The following SNX8 variants were observed in gnomAD, a reference collection of about 807,000 sequenced individuals.
SNX8 encodes sorting nexin-8.
A neutral mutation model predicts 51.6 loss-of-function variants in SNX8; 25 were observed. That is an observed-to-expected ratio of 0.48 (90% CI 0.35 to 0.68). SNX8 has a LOEUF of 0.68. Ranked by LOEUF, SNX8 falls within the 30% of genes least tolerant of loss-of-function variation. The pLI is 0.00. For synonymous variants in SNX8, 324 were observed against 277.0 expected, an observed-to-expected ratio of 1.17 and a Z score of -1.68; for missense variants, 695 against 624.0, an observed-to-expected ratio of 1.11 and a Z score of -1.21.
chr7:2,285,211 C>CAAAAA (rs58401507), intron 1 of SNX8, among the ~76,000 whole-genome samples: 1 of 70,954 alleles, frequency 1.4e-5, no homozygotes, highest in African/African-American at 6.4e-5. Flanking sequence ...GACTCCGTCT[C>CAAAAA]AAAAAAAAAA....
At chr7:2,328,179 G>A (rs140482983) in intron 1 of SNX8, among the ~76,000 whole-genome samples, 3,070 of 152,182 alleles carry the variant, frequency 0.02, 98 homozygotes, top group African/African-American at 0.07. Flanking sequence ...AGCCTCCCAA[G>A]TAGCTGGGAC....
chr7:2,339,170 C>T (rs1455763953), intron 1 of SNX8, among the ~76,000 whole-genome samples: 2 of 152,152 alleles, frequency 1.3e-5, no homozygotes, highest in Non-Finnish European at 2.9e-5. Context: ...TCCCAAAGTG[C>T]TGGGATTACA....
chr7:2,323,568 T>C (rs541705551), intron 1 of SNX8, among the ~76,000 whole-genome samples: 2 of 152,170 alleles, frequency 1.3e-5, no homozygotes, highest in South Asian at 2.1e-4. Flanking sequence ...TTCTGCCATG[T>C]TAACAGAGAG....
At chr7:2,337,792 C>T (rs1406158738) in intron 1 of SNX8, among the ~76,000 whole-genome samples, 4 of 144,624 alleles carry the variant, frequency 2.8e-5, no homozygotes, top group South Asian at 2.2e-4. Context: ...ATGCAAAAGA[C>T]CTCTTTTAGC....
chr7:2,322,108 G>A (rs74844339), intron 1 of SNX8, among the ~76,000 whole-genome samples: 1 of 152,276 alleles, frequency 6.6e-6, no homozygotes, highest in East Asian at 1.9e-4. Flanking sequence ...TGATTCACAT[G>A]TAGTGCTTTT....
intron 1 of SNX8, among the ~76,000 whole-genome samples, chr7:2,308,966 T>G (rs954536168): frequency 6.6e-6 from 1 of 151,990 alleles, no homozygotes; most frequent in Non-Finnish European, 1.5e-5. Context: ...ATTATTGGAT[T>G]TTTGTACAGA....
intron 5 of SNX8, among the ~76,000 whole-genome samples, chr7:2,267,618 A>C (rs373344666): frequency 6.9e-6 from 1 of 145,724 alleles, no homozygotes; most frequent in Non-Finnish European, 1.5e-5. Context: ...TCAGTGCTCA[A>C]TGGTGCCCAG....
At chr7:2,304,543 C>CA (rs879907096) in intron 1 of SNX8, among the ~76,000 whole-genome samples, 126 of 140,540 alleles carry the variant, frequency 9.0e-4, no homozygotes, top group East Asian at 1.0e-3. Context: ...GACTCCATCT[C>CA]AAAAAAAAAA....
chr7:2,344,798 G>A (rs531983915), intron 1 of SNX8, among the ~76,000 whole-genome samples: 31 of 150,754 alleles, frequency 2.1e-4, no homozygotes, highest in African/African-American at 6.3e-4. Context: ...GGCGGCTCAC[G>A]CCTGTAATCC....
intron 1 of SNX8, among the ~76,000 whole-genome samples, chr7:2,331,177 T>C (rs1373400331): frequency 4.5e-5 from 5 of 111,716 alleles, no homozygotes; most frequent in Non-Finnish European, 7.2e-5. Flanking sequence ...AGAGCGAGAC[T>C]CTGTCTCAAA....
intron 1 of SNX8, among the ~76,000 whole-genome samples, chr7:2,321,392 C>T (rs1206450617): frequency 6.6e-6 from 1 of 151,698 alleles, no homozygotes; most frequent in Non-Finnish European, 1.5e-5. Flanking sequence ...ACTATTCCTG[C>T]GTATTCAGGG....
At chr7:2,292,731 A>G (rs967427937) in intron 1 of SNX8, among the ~76,000 whole-genome samples, 3 of 152,130 alleles carry the variant, frequency 2.0e-5, no homozygotes, top group Non-Finnish European at 4.4e-5. Context: ...CTTCTTAGAT[A>G]TGACACCAAA....
upstream of SNX8, among the ~76,000 whole-genome samples, chr7:2,319,300 C>G (rs569488497): frequency 6.7e-6 from 1 of 149,314 alleles, no homozygotes; most frequent in Non-Finnish European, 1.5e-5. Flanking sequence ...TGAGATCACA[C>G]CACTGCACTC....
intron 1 of SNX8, among the ~76,000 whole-genome samples, chr7:2,305,268 C>T (rs1013250706): frequency 2.6e-5 from 4 of 152,170 alleles, no homozygotes; most frequent in African/African-American, 4.8e-5. Context: ...GTAAATCCAA[C>T]GGGACTTGGG....
At chr7:2,314,271 G>A (rs1052049425) in intron 1 of SNX8, 57 bp downstream of exon 1, 2 of 1,213,910 alleles carry the variant, frequency 1.6e-6, no homozygotes, top group Non-Finnish European at 2.0e-6. Flanking sequence ...CGTCCGCCGG[G>A]GGTGGTCGGG....
At chr7:2,260,289 G>A (rs192386754) in intron 7 of SNX8, among the ~76,000 whole-genome samples, 1 of 152,076 alleles carries the variant, frequency 6.6e-6, no homozygotes, top group African/African-American at 2.4e-5. Context: ...GTAGAGATGG[G>A]GTTTCACCAT....
Position 2,253,887 on chromosome 7 carries a change from C to A in SNX8, c.*1169G>T, listed in dbSNP as rs544681716. 6.6e-6 allele frequency: 1 copy of A among 152,374 alleles called. No homozygotes were observed. Among genetic ancestry groups the A allele is most frequent in the Non-Finnish European group, 1.5e-5 (1 of 68,110 alleles). 9.4% of individuals were successfully genotyped at this position (152,374 alleles called of 1,614,324 possible). On this transcript the variant is annotated 3_prime_UTR_variant, in exon 11 of 11. Transcript: ENST00000222990. ...CGGAGGGACCTCGGAAACCCTGGAG[C>A]CCGGCGGGCCTCTTCCAGCACCCCT...
At chr7:2,347,377 A>T (rs758293915) in intron 1 of SNX8, among the ~76,000 whole-genome samples, 4 of 148,570 alleles carry the variant, frequency 2.7e-5, no homozygotes, top group Non-Finnish European at 4.5e-5. Flanking sequence ...AATCCTCAGG[A>T]GGCTGAGACA....
chr7:2,300,302 C>T (rs1796362888), intron 1 of SNX8, among the ~76,000 whole-genome samples: 1 of 152,186 alleles, frequency 6.6e-6, no homozygotes, highest in African/African-American at 2.4e-5. Context: ...TTTGTTTTTT[C>T]AGAGCTGACA....
Sources: allele counts gnomAD v4.1 joint callset (sites outside exome capture counted in the v4.1 genomes callset), GRCh38; gene constraint gnomAD v4.1.1; transcripts MANE v1.5; gene names NCBI Gene and HGNC (gene_info 2026-07-23, HGNC 2026-07-21).